The following N4BP1 variants were observed in gnomAD, a reference collection of about 807,000 sequenced individuals.
N4BP1 encodes NEDD4 binding protein 1, also known as NEDD4-binding protein 1.
In N4BP1, 21 loss-of-function variants were observed where a neutral mutation model predicts 70.9. The observed-to-expected ratio is 0.30, with a 90% CI of 0.21 to 0.43. N4BP1 has a LOEUF of 0.43. Ranked by LOEUF, N4BP1 falls within the 20% of genes least tolerant of loss-of-function variation. The pLI, the probability that N4BP1 is intolerant of heterozygous loss-of-function variation, is 1.00. For synonymous variants in N4BP1, 387 were observed against 394.6 expected (o/e 0.98, Z 0.23); for missense variants, 936 against 1,069.4 (o/e 0.88, Z 1.74).
chr16:48,577,998 G>T (rs77195966), intron 1 of N4BP1: 1 of 155,156 alleles, frequency 6.4e-6, no homozygotes, highest in Non-Finnish European at 1.4e-5. Context: ...AGACGTGACC[G>T]TTCTAGTCCC....
intron 1 of N4BP1, among the ~76,000 whole-genome samples, chr16:48,588,596 CA>C (rs1964282996): frequency 6.6e-6 from 1 of 152,060 alleles, no homozygotes; most frequent in African/African-American, 2.4e-5. Flanking sequence ...TGCCCAGCCT[CA>C]ATATCACACT....
intron 1 of N4BP1, among the ~76,000 whole-genome samples, chr16:48,601,209 A>G (rs1188421007): frequency 2.0e-5 from 3 of 152,228 alleles, no homozygotes; most frequent in Non-Finnish European, 4.4e-5. Context: ...GCAGTCGTGG[A>G]TGTTGGGAAT....
intron 1 of N4BP1, 53 bp from the exon 2 acceptor site, chr16:48,562,497 C>T: frequency 7.1e-7 from 1 of 1,413,740 alleles, no homozygotes; most frequent in Non-Finnish European, 9.5e-7. Flanking sequence ...CCTTATAGCA[C>T]ATAATAAATT....
intron 4 of N4BP1, among the ~76,000 whole-genome samples, chr16:48,551,028 T>C (rs1207125676): frequency 6.6e-6 from 1 of 152,060 alleles, no homozygotes; most frequent in African/African-American, 2.4e-5. Context: ...GGCATTACAA[T>C]AACAGGCTAA....
In N4BP1 at chr16:48,541,409, C is replaced by A. The variant is rs1567422801; in HGVS notation, c.*1495G>T. 1 of 152,284 alleles carries A rather than the reference C, an allele frequency of 6.6e-6. No homozygotes were observed. The highest frequency in any genetic ancestry group is 1.5e-5 in the Non-Finnish European group (1 of 68,074). 9.4% of individuals were successfully genotyped at this position (152,284 alleles called of 1,614,324 possible). A position where few individuals can be genotyped will look rare whatever the true frequency, so the allele number is the denominator to read the frequency against. ...TCCACATTAGGAGGCATCACGGACG[C>A]ATCTGAGAGGAAACATGATTGAAGG... On this transcript the variant is annotated 3_prime_UTR_variant, in exon 7 of 7. Coordinates refer to ENST00000262384, the MANE Select transcript of N4BP1 (RefSeq NM_153029.4).
intron 6 of N4BP1, among the ~76,000 whole-genome samples, chr16:48,545,165 A>G (rs1022619132): frequency 6.6e-5 from 10 of 151,994 alleles, no homozygotes; most frequent in Admixed American, 1.3e-4. Flanking sequence ...GGGTTTCACC[A>G]TGTTGGCCAG....
intron 1 of N4BP1, 70 bp downstream of exon 1, chr16:48,609,705 G>A (rs1256504920): frequency 8.3e-7 from 1 of 1,198,448 alleles, no homozygotes; most frequent in Non-Finnish European, 1.1e-6. Flanking sequence ...GCGGGGGCGG[G>A]GAGGAGCGGG....
intron 1 of N4BP1, among the ~76,000 whole-genome samples, chr16:48,591,086 CA>C (rs1324738720): frequency 6.6e-6 from 1 of 152,092 alleles, no homozygotes; most frequent in Admixed American, 6.6e-5. Flanking sequence ...TGACAAAAGT[CA>C]AAAATTATCT....
chr16:48,554,542 G>A (rs1963723708), intron 2 of N4BP1, among the ~76,000 whole-genome samples: 1 of 152,154 alleles, frequency 6.6e-6, no homozygotes, highest in Non-Finnish European at 1.5e-5. Flanking sequence ...TCTGCAGGTG[G>A]TAATTTGTCT....
At chr16:48,608,361 A>T (rs888248076) in intron 1 of N4BP1, among the ~76,000 whole-genome samples, 2 of 152,216 alleles carry the variant, frequency 1.3e-5, no homozygotes, top group African/African-American at 4.8e-5. Flanking sequence ...GTCTCCTTTA[A>T]GGATGTGAAA....
At chr16:48,589,542 C>T (rs927664482) in intron 1 of N4BP1, among the ~76,000 whole-genome samples, 6 of 152,100 alleles carry the variant, frequency 3.9e-5, no homozygotes, top group Admixed American at 3.9e-4. Flanking sequence ...CCCTATGCAT[C>T]GCTTCATCTA....
intron 6 of N4BP1, among the ~76,000 whole-genome samples, chr16:48,544,515 TAA>T (rs991820040): frequency 6.6e-6 from 1 of 152,160 alleles, no homozygotes; most frequent in African/African-American, 2.4e-5. Context: ...GTTTAGTTTT[TAA>T]AAAGAGTAAA....
rs531758656 is a variant in N4BP1 at position 48,609,901 on chromosome 16, G to A, written c.72C>T (p.Arg24=). The change falls in exon 1 of 7, where the codon CGC becomes CGT. Residue 24 remains arginine (R), a synonymous_variant. Coordinates refer to ENST00000262384, the MANE Select transcript of N4BP1 (RefSeq NM_153029.4). Reference sequence around the variant, plus strand: ...CGCCAAACAGGCCCTCGATACGGCCGCGGCTCTGCTCCAGCAGCTCCGCCT... The same window carrying A: ...CGCCAAACAGGCCCTCGATACGGCCACGGCTCTGCTCCAGCAGCTCCGCCT... ...AEKAELLEQS[R]GRIEGLFGVS... 5.4e-6 allele frequency: 8 copies of A among 1,472,862 alleles called. No homozygotes were observed. In the East Asian group the frequency reaches 1.5e-4, roughly 27 times the overall value. 91.2% of individuals were successfully genotyped at this position (1,472,862 alleles called of 1,614,324 possible). A position where few individuals can be genotyped will look rare whatever the true frequency, so the allele number is the denominator to read the frequency against.
chr16:48,567,660 G>C (rs1963963043), intron 1 of N4BP1, among the ~76,000 whole-genome samples: 1 of 152,124 alleles, frequency 6.6e-6, no homozygotes, highest in African/African-American at 2.4e-5. Context: ...TAGTTTTTAA[G>C]TGGTGATGCC....
At position 48,543,225 on chromosome 16, in the gene N4BP1, C is replaced by A; in HGVS notation, c.2370G>T (p.Val790=). 1 of 1,551,536 alleles carries A rather than the reference C, an allele frequency of 6.4e-7. No individual in the cohort carries two copies. The change falls in exon 7 of 7, where the codon GTG becomes GTT. Residue 790 remains valine, a synonymous_variant. Coordinates refer to ENST00000262384, the MANE Select transcript of N4BP1 (RefSeq NM_153029.4). ...CTCTGAAGCTGGGGTCAAACATGCC[C>A]ACATTTGGCAGGGCACTGAGTAGGG... ...MQPLLSALPN[V]GMFDPSFRVP... is the part of the protein sequence containing the mutation.
chr16:48,565,281 G>A (rs918278638), intron 1 of N4BP1, among the ~76,000 whole-genome samples: 1 of 152,178 alleles, frequency 6.6e-6, no homozygotes, highest in Non-Finnish European at 1.5e-5. Flanking sequence ...TAAGAATGAT[G>A]TAACAGGGAA....
chr16:48,551,594 T>C, intron 3 of N4BP1, 112 bp from the exon 4 acceptor site: 1 of 699,212 alleles, frequency 1.4e-6, no homozygotes, highest in Non-Finnish European at 2.3e-6. Context: ...GAAAACCTTT[T>C]TTCTATTGAC....
Position 48,542,859 on chromosome 16 carries a change from T to G in N4BP1, c.*45A>C. 1 of 1,512,482 alleles carries G rather than the reference T, an allele frequency of 6.6e-7. No homozygotes were observed. The allele number at this position is 1,512,482 out of a possible 1,614,324, so 93.7% of individuals were successfully genotyped here. A position where few individuals can be genotyped will look rare whatever the true frequency, so the allele number is the denominator to read the frequency against. ...ATCAGGTACAGGTGTGAGCTTGAGT[T>G]TGATCAGCCAGCCCTGAGCGCAAGC... On this transcript the variant is annotated 3_prime_UTR_variant, in exon 7 of 7. Coordinates refer to ENST00000262384, the MANE Select transcript of N4BP1 (RefSeq NM_153029.4).
chr16:48,597,210 A>AT (rs1421016299), intron 1 of N4BP1, among the ~76,000 whole-genome samples: 1 of 152,190 alleles, frequency 6.6e-6, no homozygotes, highest in Non-Finnish European at 1.5e-5. Flanking sequence ...CTCCATTGCA[A>AT]TTCCCATCTT....
Sources: gnomAD v4.1 joint callset for allele counts (sites outside exome capture counted in the v4.1 genomes callset) on GRCh38, gnomAD v4.1.1 for gene constraint, MANE v1.5 for transcripts, NCBI Gene and HGNC (gene_info 2026-07-23, HGNC 2026-07-21) for gene names.